The following BCO2 variants were observed in gnomAD, a reference collection of about 807,000 sequenced individuals.
BCO2 encodes the protein carotenoid-cleaving dioxygenase, mitochondrial.
In BCO2, 56 loss-of-function variants were observed where a neutral mutation model predicts 65.8. The ratio of observed to expected loss-of-function variants is 0.85; its 90% confidence interval spans 0.69 to 1.06. The LOEUF is 1.06. Among genes scored for constraint, BCO2 ranks in the 50% least tolerant of loss-of-function variants. The pLI is 0.00. For synonymous variants in BCO2, 233 were observed against 242.3 expected (o/e 0.96, Z 0.36); for missense variants, 675 against 698.5 (o/e 0.97, Z 0.38).
chr11:112,197,886 A>G (rs376443539), intron 5 of BCO2, among the ~76,000 whole-genome samples: 2 of 152,332 alleles, frequency 1.3e-5, no homozygotes, highest in African/African-American at 4.8e-5. Flanking sequence ...CTGGCTGAGA[A>G]CTTTTGCATT....
intron 5 of BCO2, among the ~76,000 whole-genome samples, chr11:112,196,478 A>T (rs1191474309): frequency 2.6e-5 from 4 of 152,218 alleles, no homozygotes; most frequent in African/African-American, 9.6e-5. Context: ...GCTTTTTAAA[A>T]TTTGTAAAAA....
chr11:112,210,608 G>A (rs1859476908), intron 8 of BCO2, among the ~76,000 whole-genome samples: 1 of 152,114 alleles, frequency 6.6e-6, no homozygotes, highest in South Asian at 2.1e-4. Context: ...TTCTCTTTAA[G>A]GTTAAGGGGT....
At chr11:112,203,122 G>T (rs1047261494) in intron 8 of BCO2, among the ~76,000 whole-genome samples, 2 of 151,472 alleles carry the variant, frequency 1.3e-5, no homozygotes, top group Non-Finnish European at 2.9e-5. Flanking sequence ...AAGTTTGCTA[G>T]AAGGAATAGC....
At chr11:112,198,377 T>A (rs891895417) in intron 5 of BCO2, among the ~76,000 whole-genome samples, 1 of 152,086 alleles carries the variant, frequency 6.6e-6, no homozygotes, top group Admixed American at 6.6e-5. Flanking sequence ...TTGTCTATTT[T>A]GCATATTTCT....
chr11:112,215,581 T>G (rs1289440062), intron 10 of BCO2: 2 of 153,594 alleles, frequency 1.3e-5, no homozygotes, highest in Admixed American at 1.3e-4. Context: ...TGGTGGCACA[T>G]GCCTGTAATC....
rs530892887 is a variant in BCO2 at position 112,217,561 on chromosome 11, C to T, written c.1627-200C>T. ...ATTTTTTATAGAGATGGGGTTTTGCCATGTTGCCGAGGCTGGTCTTCAACC... is the reference window on the plus strand; with the variant it reads ...ATTTTTTATAGAGATGGGGTTTTGCTATGTTGCCGAGGCTGGTCTTCAACC... On this transcript the variant is annotated intron_variant, in intron 11 of 11. Coordinates refer to ENST00000357685, the MANE Select transcript of BCO2 (RefSeq NM_031938.7). Among the ~76,000 whole-genome samples, 20 of 152,126 alleles carry T rather than the reference C, an allele frequency of 1.3e-4. No homozygotes were observed. The South Asian group carries it at 1.7e-3, about 13-fold the overall frequency.
intron 2 of BCO2, among the ~76,000 whole-genome samples, chr11:112,188,152 C>G (rs1162638274): frequency 6.6e-6 from 1 of 152,210 alleles, no homozygotes; most frequent in Non-Finnish European, 1.5e-5. Flanking sequence ...TTCAGACTCT[C>G]TCAAAACCGA....
chr11:112,194,138 T>C (rs1867488353), intron 4 of BCO2, 144 bp downstream of exon 4: 2 of 607,006 alleles, frequency 3.3e-6, no homozygotes, highest in Non-Finnish European at 5.8e-6. Flanking sequence ...AGGTCACCTT[T>C]ACTCTCTGGC....
Position 112,180,795 on chromosome 11 carries a change from T to C in BCO2, c.293+1313T>C. On this transcript the variant is annotated intron_variant, in intron 2 of 11. Transcript: ENST00000357685. ...GTGATGAGGCGGATGACCCTGTTCC[T>C]GAACGGCAGCCCCAAGAACGGAAAG... The C allele has an allele frequency of 4.0e-6, 4 of 1,009,848 alleles. No homozygotes were observed. In the South Asian group the frequency reaches 5.1e-5, roughly 13 times the overall value. The allele number at this position is 1,009,848 out of a possible 1,614,324, so 62.6% of individuals were successfully genotyped here.
rs1341445712 is a variant in BCO2 at position 112,216,290 on chromosome 11, ATGG to A, written c.1590_1592del (p.Gly531del). 12 of 1,614,022 alleles carry A rather than the reference ATGG, an allele frequency of 7.4e-6. No individual in the cohort carries two copies. Among genetic ancestry groups the A allele is most frequent in the Non-Finnish European group, 1.0e-5 (12 of 1,180,008 alleles). On this transcript the variant is annotated inframe_deletion, in exon 11 of 12. Transcript: ENST00000357685. ...CCAGCACCAGGAACCAATGAAGAAG[ATGG>A]TGGGGTTATTCTTTCTGTGGTGATC...
chr11:112,193,533 CA>C lies in BCO2; in HGVS notation c.354del (p.Val119Ter). Reference sequence around the variant, plus strand: ...CACCAGTTCAGAATGGCAAAGGGCACAGTGACATACAGGAGCAAGTTTCTAC... The same window carrying C: ...CACCAGTTCAGAATGGCAAAGGGCACGTGACATACAGGAGCAAGTTTCTAC... ...LLHQFRMAKGTVTYRSKFLQS... is the reference protein window; with the variant it reads ...LLHQFRMAKGXVTYRSKFLQS... On this transcript the variant is annotated frameshift_variant, in exon 3 of 12. Coordinates refer to ENST00000357685, the MANE Select transcript of BCO2 (RefSeq NM_031938.7). LOFTEE classifies it high-confidence loss of function. 1 of 1,614,110 alleles carries C rather than the reference CA, an allele frequency of 6.2e-7. No homozygotes were observed. The highest frequency in any genetic ancestry group is 8.5e-7 in the Non-Finnish European group (1 of 1,180,008).
intron 8 of BCO2, among the ~76,000 whole-genome samples, chr11:112,204,982 ATTTTC>A (rs1217767927): frequency 2.0e-5 from 3 of 151,958 alleles, no homozygotes; most frequent in African/African-American, 4.8e-5. Flanking sequence ...ACATTTTCTT[ATTTTC>A]TTTTATCTGG....
chr11:112,193,803 T>C, intron 3 of BCO2, 76 bp from the exon 4 acceptor site: 1 of 1,479,100 alleles, frequency 6.8e-7, no homozygotes. Flanking sequence ...TGAAACTGCT[T>C]TCTCCCTTTG....
chr11:112,179,503 A>G, intron 2 of BCO2, 21 bp downstream of exon 2: 1 of 1,605,226 alleles, frequency 6.2e-7, no homozygotes, highest in Non-Finnish European at 8.5e-7. Flanking sequence ...ATTTTGGAGA[A>G]CAACTTGGAT....
intron 8 of BCO2, among the ~76,000 whole-genome samples, chr11:112,209,421 T>G (rs887104344): frequency 1.3e-5 from 2 of 152,252 alleles, no homozygotes; most frequent in African/African-American, 4.8e-5. Context: ...TTTTGTGGCT[T>G]GAGAACTCAT....
At chr11:112,175,953 G>T in intron 1 of BCO2, 1 of 356,468 alleles carries the variant, frequency 2.8e-6, no homozygotes, top group Non-Finnish European at 5.1e-6. Context: ...GTATTCTTTG[G>T]GATTTGCAAT....
chr11:112,211,470 T>C (rs564550095), intron 8 of BCO2, among the ~76,000 whole-genome samples: 1 of 152,274 alleles, frequency 6.6e-6, no homozygotes, highest in South Asian at 2.1e-4. Flanking sequence ...TTTAGTTCTT[T>C]TAGGTATATA....
Position 112,202,125 on chromosome 11 carries a change from A to G in BCO2, c.1129A>G (p.Asn377Asp), listed in dbSNP as rs1267726780. The change falls in exon 8 of 12, where the codon AAT becomes GAT. Residue 377 changes from asparagine (N) to aspartate (D), a missense_variant. By Grantham distance (23) the Asn-to-Asp change is conservative. Coordinates refer to ENST00000357685, the MANE Select transcript of BCO2 (RefSeq NM_031938.7). The part of the protein sequence containing the change: ...CVIIDLCCQD[N>D]GRTLEVYQLQ... ...TATAATTGATTTGTGCTGTCAAGAT[A>G]ATGGAAGAACCCTAGAAGTTTACCA... 1.2e-6 allele frequency: 2 copies of G among 1,613,936 alleles called. No homozygotes were observed. Among genetic ancestry groups the G allele is most frequent in the African/African-American group, 1.3e-5 (1 of 74,920 alleles).
rs116050365 is a variant in BCO2 at position 112,203,543 on chromosome 11, G to A, written c.1194+1353G>A. Among the ~76,000 whole-genome samples, 724 of 152,070 alleles carry A rather than the reference G, an allele frequency of 4.8e-3. 5 individuals are homozygous for A. The highest frequency in any genetic ancestry group is 0.017 in the African/African-American group (699 of 41,544). On this transcript the variant is annotated intron_variant, in intron 8 of 11. Transcript: ENST00000357685. ...ATACATGTAAATATTAAAATGGTTA[G>A]TATAGTGAGGCAGATTAACATATCT...
Sources: gnomAD v4.1 joint callset for allele counts (sites outside exome capture counted in the v4.1 genomes callset) on GRCh38, gnomAD v4.1.1 for gene constraint, MANE v1.5 for transcripts, NCBI Gene and HGNC (gene_info 2026-07-23, HGNC 2026-07-21) for gene names.